The following CSK variants were observed in gnomAD, a reference collection of about 807,000 sequenced individuals.
CSK encodes the protein C-terminal Src kinase, also known as tyrosine-protein kinase CSK.
CSK carries 7 observed loss-of-function variants against 62.3 expected under a neutral mutation model. The ratio of observed to expected loss-of-function variants is 0.11; its 90% CI spans 0.06 to 0.21. The LOEUF is 0.21. Ranked by LOEUF, CSK falls within the 10% of genes least tolerant of loss-of-function variation. CSK has a pLI of 1.00. For synonymous variants in CSK, 237 were observed against 246.0 expected (o/e 0.96, Z 0.34); for missense variants, 294 against 613.5 (o/e 0.48, Z 5.50).
chr15:74,800,658 C>T (rs560778941), intron 6 of CSK, 23 bp from the exon 7 acceptor site: 2 of 1,538,836 alleles, frequency 1.3e-6, no homozygotes, highest in African/African-American at 2.7e-5. Flanking sequence ...GGCCTCCAGG[C>T]CCTCACTGGC....
At chr15:74,796,761 A>C (rs2063712967) in intron 1 of CSK, among the ~76,000 whole-genome samples, 1 of 152,144 alleles carries the variant, frequency 6.6e-6, no homozygotes, top group South Asian at 2.1e-4. Context: ...GATTGGGCTC[A>C]GACAGTCTGA....
intron 1 of CSK, among the ~76,000 whole-genome samples, chr15:74,794,943 C>T (rs2063682495): frequency 6.6e-6 from 1 of 152,144 alleles, no homozygotes; most frequent in African/African-American, 2.4e-5. Context: ...TTATGCCAGG[C>T]CCACTTGAAA....
chr15:74,786,313 G>A lies in CSK; in HGVS notation c.-66+3593G>A, dbSNP rs144862669. 1.8e-4 allele frequency among the ~76,000 whole-genome samples: 27 copies of A among 152,068 alleles called. 1 individual carries two copies. The East Asian group carries it at 3.3e-3, about 19-fold the overall frequency. ...TGGGATTATAGGCGTGAGCCACTGC[G>A]CCTCTTCTGTAAGAGCCTGGCTGCC... On this transcript the variant is annotated intron_variant, in intron 1 of 12. Transcript: ENST00000220003.
intron 1 of CSK, among the ~76,000 whole-genome samples, chr15:74,789,052 G>T (rs1348623596): frequency 6.6e-6 from 1 of 152,186 alleles, no homozygotes; most frequent in Non-Finnish European, 1.5e-5. Context: ...CCATTAGCCT[G>T]CTCTAACCCC....
intron 1 of CSK, chr15:74,797,774 A>AC (rs2063728961): frequency 6.6e-6 from 1 of 152,534 alleles, no homozygotes; most frequent in African/African-American, 2.4e-5. Flanking sequence ...GTGTACCTAG[A>AC]AGTGGGGTTG....
Position 74,798,504 on chromosome 15 carries a change from C to T in CSK, c.16-111C>T, listed in dbSNP as rs779308254. 8 of 1,247,900 alleles carry T rather than the reference C, an allele frequency of 6.4e-6. No homozygotes were observed. Among genetic ancestry groups the T allele is most frequent in the Non-Finnish European group, 9.2e-6 (8 of 868,872 alleles). The allele number at this position is 1,247,900 out of a possible 1,614,324, so 77.3% of individuals were successfully genotyped here. Reference sequence around the variant, plus strand: ...CAGGGCTCGTTCTCCGGGCAGAGCACCTCACCCAGGCTCACAGAGGCCAGC... The same window carrying T: ...CAGGGCTCGTTCTCCGGGCAGAGCATCTCACCCAGGCTCACAGAGGCCAGC... On this transcript the variant is annotated intron_variant, in intron 2 of 12. Coordinates refer to ENST00000220003, the MANE Select transcript of CSK (RefSeq NM_004383.3). The surrounding 1 kb of genome is among the most constrained non-coding windows in gnomAD (Gnocchi z 6.6).
intron 4 of CSK, 107 bp from the exon 5 acceptor site, chr15:74,799,165 T>A (rs1037759786): frequency 1.6e-6 from 2 of 1,224,322 alleles, no homozygotes; most frequent in South Asian, 2.9e-5. Context: ...AATGCCTGAC[T>A]GAGCGAGTGC....
At position 74,798,693 on chromosome 15, in the gene CSK, A is replaced by C. The variant is rs776646592; in HGVS notation, c.94A>C (p.Lys32Gln). 1.2e-6 allele frequency: 2 copies of C among 1,613,790 alleles called. No homozygotes were observed. Among genetic ancestry groups the C allele is most frequent in the South Asian group, 2.2e-5 (2 of 91,084 alleles). ...TGCCGAGCAGGACCTGCCCTTCTGC[A>C]AAGGAGACGTGCTCACCATTGTGGC... ...GTAEQDLPFC[K>Q]GDVLTIVAVT... The change falls in exon 3 of 13, where the codon AAA becomes CAA. Residue 32 changes from lysine to glutamine, a missense_variant. This residue lies in a region of CSK where 202 missense variants were observed against 415.7 expected (regional missense o/e 0.49). Coordinates refer to ENST00000220003, the MANE Select transcript of CSK (RefSeq NM_004383.3). This position sits in a 1 kb window ranked among gnomAD's most constrained non-coding sequence, Gnocchi z 6.6.
rs1313621235 is a variant in CSK at position 74,800,697 on chromosome 15, C to T, written c.573C>T (p.Asn191=). ...DEFYRSGWAL[N]MKELKLLQTI... ...TCCCCACAGGCGGCTGGGCCCTGAA[C>T]ATGAAGGAGCTGAAGCTGCTGCAGA... The change falls in exon 7 of 13, where the codon AAC becomes AAT. Residue 191 remains asparagine (N), a synonymous_variant. Coordinates refer to ENST00000220003, the MANE Select transcript of CSK (RefSeq NM_004383.3). The T allele has an allele frequency of 6.4e-7, 1 of 1,558,870 alleles. No homozygotes were observed. The highest frequency in any genetic ancestry group is 8.7e-7 in the Non-Finnish European group (1 of 1,150,942).
chr15:74,798,802 A>T lies in CSK; in HGVS notation c.130-24A>T. The T allele has an allele frequency of 6.2e-7, 1 of 1,604,598 alleles. No homozygotes were observed. The highest frequency in any genetic ancestry group is 8.5e-7 in the Non-Finnish European group (1 of 1,174,024). On this transcript the variant is annotated intron_variant, in intron 3 of 12. Transcript: ENST00000220003. This position sits in a 1 kb window ranked among gnomAD's most constrained non-coding sequence, Gnocchi z 6.6. The stretch of plus-strand genomic sequence containing the variant: ...TGCAGGGGGAGGTGGGCCTGAGAGC[A>T]TGTCTGGGCTGCCCTCTCCCCAGGA...
At chr15:74,792,797 C>T (rs1004170780) in intron 1 of CSK, among the ~76,000 whole-genome samples, 3 of 152,210 alleles carry the variant, frequency 2.0e-5, no homozygotes, top group African/African-American at 7.2e-5. Context: ...CCAGCCTGTT[C>T]CCGGGACCCC....
At position 74,800,808 on chromosome 15, in the gene CSK, C is replaced by T. The variant is rs1428319551; in HGVS notation, c.623-15C>T. The T allele has an allele frequency of 1.9e-5, 31 of 1,607,348 alleles. No homozygotes were observed. The highest frequency in any genetic ancestry group is 2.5e-5 in the Non-Finnish European group (29 of 1,176,984). ...GACTCCGAACTTGGGAACAAGACCA[C>T]CTCTCTGCCCCCAGACGTGATGCTG... On this transcript the variant is annotated splice_polypyrimidine_tract_variant and intron_variant, in intron 7 of 12. Transcript: ENST00000220003.
intron 1 of CSK, among the ~76,000 whole-genome samples, chr15:74,786,599 C>G (rs1484643855): frequency 6.6e-6 from 1 of 152,190 alleles, no homozygotes; most frequent in African/African-American, 2.4e-5. Context: ...TCATGTTAGC[C>G]TCCCCCTCCT....
At chr15:74,796,701 G>A (rs772184238) in intron 1 of CSK, among the ~76,000 whole-genome samples, 3 of 152,002 alleles carry the variant, frequency 2.0e-5, no homozygotes, top group Non-Finnish European at 2.9e-5. Flanking sequence ...AAAGTGTGCC[G>A]ATCGCAATGG....
At chr15:74,791,450 T>C (rs1264156860) in intron 1 of CSK, among the ~76,000 whole-genome samples, 1 of 152,216 alleles carries the variant, frequency 6.6e-6, no homozygotes, top group East Asian at 1.9e-4. Context: ...GTTGTAGGCA[T>C]TGCATCTTTC....
At chr15:74,784,623 C>T (rs761341595) in intron 1 of CSK, among the ~76,000 whole-genome samples, 5 of 152,196 alleles carry the variant, frequency 3.3e-5, no homozygotes, top group Non-Finnish European at 7.3e-5. Flanking sequence ...TTCACCACCG[C>T]AGGGGGGCCA....
chr15:74,799,806 T>A (rs1256735138), intron 5 of CSK, among the ~76,000 whole-genome samples: 1 of 152,160 alleles, frequency 6.6e-6, no homozygotes, highest in Non-Finnish European at 1.5e-5. Context: ...AGAATCTGAG[T>A]CTGTCTGATC....
intron 1 of CSK, among the ~76,000 whole-genome samples, chr15:74,791,811 C>T (rs531687705): frequency 1.3e-5 from 2 of 152,364 alleles, no homozygotes; most frequent in South Asian, 4.1e-4. Flanking sequence ...GAACGCCCCC[C>T]CGGGCAATGC....
chr15:74,802,756 C>T lies in CSK; in HGVS notation c.*243C>T, dbSNP rs35262066. On this transcript the variant is annotated 3_prime_UTR_variant, in exon 13 of 13. Transcript: ENST00000220003. ...CGGAGCGGGAGGCAGCGCCCCACCACGTCGGGCTTCCCTGGCCTCCCGCCA... is the reference window on the plus strand; with the variant it reads ...CGGAGCGGGAGGCAGCGCCCCACCATGTCGGGCTTCCCTGGCCTCCCGCCA... 4 of 460,706 alleles carry T rather than the reference C, an allele frequency of 8.7e-6. No individual in the cohort carries two copies. The highest frequency in any genetic ancestry group is 7.5e-5 in the South Asian group (2 of 26,844). The allele number at this position is 460,706 out of a possible 1,614,324, so 28.5% of individuals were successfully genotyped here.
Sources: allele counts gnomAD v4.1 joint callset (sites outside exome capture counted in the v4.1 genomes callset), GRCh38; gene constraint gnomAD v4.1.1; regional missense constraint gnomAD v4.1.1; non-coding constraint Gnocchi (gnomAD v3.1); transcripts MANE v1.5; gene names NCBI Gene and HGNC (gene_info 2026-07-23, HGNC 2026-07-21).